Variants in SEZ6 observed in about 807,000 individuals in gnomAD.
The protein encoded by SEZ6 is seizure protein 6 homolog.
SEZ6 carries 53 observed loss-of-function variants against 101.0 expected under a neutral mutation model. That is an observed-to-expected ratio of 0.52 (90% confidence interval 0.42 to 0.66). The LOEUF is 0.66. SEZ6 is among the 30% of genes least tolerant of loss of function. The pLI, the probability that SEZ6 is intolerant of heterozygous loss-of-function variation, is 0.00. For missense variants in SEZ6, 1,102 were observed against 1,289.4 expected, an observed-to-expected ratio of 0.85 and a Z score of 2.23; for synonymous variants, 488 against 512.2, an observed-to-expected ratio of 0.95 and a Z score of 0.64.
intron 1 of SEZ6, among the ~76,000 whole-genome samples, chr17:28,996,462 G>A (rs2041543411): frequency 6.6e-6 from 1 of 152,174 alleles, no homozygotes; most frequent in African/African-American, 2.4e-5. Flanking sequence ...CTGAGTGGGG[G>A]AGGGGAGGGG....
chr17:28,961,437 T>G (rs1191070675), intron 5 of SEZ6, among the ~76,000 whole-genome samples: 1 of 152,148 alleles, frequency 6.6e-6, no homozygotes, highest in Non-Finnish European at 1.5e-5. Context: ...TAGGACCCCC[T>G]GGAGCAGGAA....
chr17:28,986,180 A>G (rs2041380369), intron 1 of SEZ6, among the ~76,000 whole-genome samples: 1 of 152,246 alleles, frequency 6.6e-6, no homozygotes, highest in African/African-American at 2.4e-5. Context: ...AAATGAAAAA[A>G]GGCTTTCATC....
At chr17:28,968,409 TTGTC>T (rs1203147093) in intron 4 of SEZ6, among the ~76,000 whole-genome samples, 2 of 152,260 alleles carry the variant, frequency 1.3e-5, no homozygotes, top group African/African-American at 2.4e-5. Flanking sequence ...TCAGCCACCT[TTGTC>T]TGGCCCGACA....
At chr17:28,991,973 G>T (rs943511659) in intron 1 of SEZ6, among the ~76,000 whole-genome samples, 1 of 152,170 alleles carries the variant, frequency 6.6e-6, no homozygotes, top group Non-Finnish European at 1.5e-5. Context: ...TGTTCCAGGG[G>T]AACGTTTGCT....
At chr17:28,991,141 G>T (rs1288785690) in intron 1 of SEZ6, among the ~76,000 whole-genome samples, 1 of 152,136 alleles carries the variant, frequency 6.6e-6, no homozygotes, top group African/African-American at 2.4e-5. Context: ...CTGACCTCAG[G>T]TGATCTACCC....
intron 1 of SEZ6, among the ~76,000 whole-genome samples, chr17:28,985,721 C>CAA (rs1318957209): frequency 1.3e-5 from 2 of 152,208 alleles, no homozygotes; most frequent in Non-Finnish European, 2.9e-5. Flanking sequence ...GGGGACTACC[C>CAA]ATGTTCCATG....
At chr17:28,957,644 G>T in intron 11 of SEZ6, 105 bp from the exon 12 acceptor site, 1 of 1,249,922 alleles carries the variant, frequency 8.0e-7, no homozygotes, top group Non-Finnish European at 1.1e-6. Flanking sequence ...TGTCGTATGG[G>T]TCTACCCCCT....
intron 3 of SEZ6, among the ~76,000 whole-genome samples, chr17:28,975,992 C>G (rs1394165421): frequency 6.6e-6 from 1 of 152,214 alleles, no homozygotes; most frequent in African/African-American, 2.4e-5. Context: ...GGGCTGGGAC[C>G]CACATGGGCT....
At chr17:28,998,105 G>A (rs1337255883) in intron 1 of SEZ6, among the ~76,000 whole-genome samples, 1 of 152,022 alleles carries the variant, frequency 6.6e-6, no homozygotes, top group Non-Finnish European at 1.5e-5. Flanking sequence ...AGAGAGGAAG[G>A]GAGGGAAGGA....
chr17:29,005,983 G>T lies in SEZ6; in HGVS notation c.-114C>A, dbSNP rs1335349865. The T allele has an allele frequency of 1.9e-5, 17 of 911,430 alleles. No homozygotes were observed. The highest frequency in any genetic ancestry group is 4.6e-5 in the Admixed American group (1 of 21,836). 56.5% of individuals were successfully genotyped at this position (911,430 alleles called of 1,614,324 possible). The stretch of plus-strand genomic sequence containing the variant: ...CCGGCCGGGTAGAGGGAGCGGGGCC[G>T]CAGCCGTCACCGCCGCTGCCGCCGC... On this transcript the variant is annotated 5_prime_UTR_variant, in exon 1 of 17. Transcript: ENST00000317338. The surrounding 1 kb of genome is among the most constrained non-coding windows in gnomAD (Gnocchi z 4.8).
In SEZ6 at chr17:28,960,953, G is replaced by C. The variant is rs749730590; in HGVS notation, c.1261C>G (p.Arg421Gly). The change falls in exon 6 of 17, where the codon CGC becomes GGC. Residue 421 changes from arginine (R) to glycine (G), a missense_variant. Physicochemically the swap from Arg to Gly is moderately radical, Grantham distance 125 (BLOSUM62 -2). Coordinates refer to ENST00000317338, the MANE Select transcript of SEZ6 (RefSeq NM_178860.5). Reference sequence around the variant, plus strand: ...ACGATGCGGCCGGTGGTGGCATTGCGGATCACTCCGCCGCAAGCAGCTGTT... The same window carrying C: ...ACGATGCGGCCGGTGGTGGCATTGCCGATCACTCCGCCGCAAGCAGCTGTT... Reference protein sequence around the residue: ...VCIAACGGVIRNATTGRIVSP... With the variant: ...VCIAACGGVIGNATTGRIVSP... The C allele has an allele frequency of 6.2e-7, 1 of 1,613,450 alleles. No individual in the cohort carries two copies. The highest frequency in any genetic ancestry group is 8.5e-7 in the Non-Finnish European group (1 of 1,179,790).
At chr17:29,000,498 G>GGAAT (rs1395501626) in intron 1 of SEZ6, among the ~76,000 whole-genome samples, 3 of 152,298 alleles carry the variant, frequency 2.0e-5, no homozygotes, top group South Asian at 4.2e-4. Flanking sequence ...ATATATCTAT[G>GGAAT]GAATGAATGA....
chr17:28,996,646 G>A (rs1349369545), intron 1 of SEZ6, among the ~76,000 whole-genome samples: 2 of 152,146 alleles, frequency 1.3e-5, no homozygotes, highest in African/African-American at 4.8e-5. Context: ...AGGATGCAGG[G>A]ACAGAGGGCA....
At chr17:28,960,406 A>G (rs771015375) in intron 7 of SEZ6, 99 bp downstream of exon 7, 382 of 1,463,252 alleles carry the variant, frequency 2.6e-4, no homozygotes, top group Non-Finnish European at 3.4e-4. Flanking sequence ...AAGGAGTGAC[A>G]GCATGGAGGC....
intron 1 of SEZ6, among the ~76,000 whole-genome samples, chr17:28,999,564 G>A (rs879791198): frequency 2.6e-5 from 4 of 152,280 alleles, no homozygotes; most frequent in East Asian, 1.9e-4. Context: ...TCCGGAGCCC[G>A]CAGAGAAATC....
intron 1 of SEZ6, 70 bp from the exon 2 acceptor site, chr17:28,982,109 A>G: frequency 2.7e-6 from 4 of 1,484,230 alleles, no homozygotes. Context: ...CAACTCGAGT[A>G]GTGGGGGGGC....
intron 1 of SEZ6, among the ~76,000 whole-genome samples, chr17:28,985,104 C>A (rs2041360738): frequency 6.6e-6 from 1 of 152,200 alleles, no homozygotes; most frequent in Admixed American, 6.5e-5. Flanking sequence ...GGGATTTAAA[C>A]CTTCGATGAT....
At position 28,999,346 on chromosome 17, in the gene SEZ6, C is replaced by A. The variant is rs186485899; in HGVS notation, c.55+6469G>T. Among the ~76,000 whole-genome samples the A allele has an allele frequency of 2.4e-3, 370 of 152,266 alleles. 1 individual carries two copies. The highest frequency in any genetic ancestry group is 8.1e-3 in the African/African-American group (338 of 41,546). The stretch of plus-strand genomic sequence containing the variant: ...CCTCATGGCATCTTTCCACTGCCCC[C>A]CTTCATTCAGTCCCTGCTCATCTCC... On this transcript the variant is annotated intron_variant, in intron 1 of 16. Transcript: ENST00000317338.
intron 1 of SEZ6, among the ~76,000 whole-genome samples, chr17:28,998,445 G>A (rs1258259394): frequency 6.6e-6 from 1 of 151,958 alleles, no homozygotes; most frequent in East Asian, 1.9e-4. Context: ...GATGGCATGA[G>A]AAGGAGGGCA....
Sources: gnomAD v4.1 joint callset for allele counts (sites outside exome capture counted in the v4.1 genomes callset) on GRCh38, gnomAD v4.1.1 for gene constraint, Gnocchi (gnomAD v3.1) non-coding constraint, MANE v1.5 for transcripts, NCBI Gene and HGNC (gene_info 2026-07-23, HGNC 2026-07-21) for gene names.